Variants in KDM4B observed in about 807,000 individuals in gnomAD.
The protein encoded by KDM4B is lysine-specific demethylase 4B.
Under a neutral mutation model 125.2 loss-of-function variants are expected in KDM4B, and 32 were observed. The observed-to-expected ratio is 0.26, with a 90% confidence interval of 0.19 to 0.34. KDM4B has a LOEUF of 0.34. Ranked by LOEUF, KDM4B falls within the 10% of genes least tolerant of loss-of-function variation. The probability of loss-of-function intolerance (pLI) is 1.00; values close to 1 mark genes in which losing one functional copy is unlikely to be tolerated. For missense variants in KDM4B, 1,190 were observed against 1,577.7 expected (o/e 0.75, Z 4.16); for synonymous variants, 721 against 677.9 (o/e 1.06, Z -0.99).
intron 2 of KDM4B, among the ~76,000 whole-genome samples, chr19:5,022,047 T>G (rs263062): frequency 6.6e-6 from 1 of 151,922 alleles, no homozygotes; most frequent in African/African-American, 2.4e-5. Flanking sequence ...CCTCTGCAGT[T>G]TGGGGGTCCT....
At chr19:4,973,574 T>G (rs936141169) in intron 1 of KDM4B, among the ~76,000 whole-genome samples, 1 of 152,194 alleles carries the variant, frequency 6.6e-6, no homozygotes, top group Non-Finnish European at 1.5e-5. Flanking sequence ...TCCCAAATAC[T>G]GAGGGGGGAG....
chr19:4,995,388 C>A (rs1235868778), intron 1 of KDM4B, among the ~76,000 whole-genome samples: 5 of 152,068 alleles, frequency 3.3e-5, no homozygotes, highest in Admixed American at 2.6e-4. Context: ...AAGCGATTCT[C>A]CTGCCTCAGC....
chr19:5,082,233 G>A lies in KDM4B; in HGVS notation c.781-134G>A, dbSNP rs946358939. 6.8e-6 allele frequency: 7 copies of A among 1,025,850 alleles called. No homozygotes were observed. The African/African-American group carries it at 9.8e-5, about 14-fold the overall frequency. The allele number at this position is 1,025,850 out of a possible 1,614,324, so 63.5% of individuals were successfully genotyped here. ...AGCCCTGGAGCCCCTGGAGCCGCTG[G>A]ATCACCTTTGACTTTGTGAAACCCC... On this transcript the variant is annotated intron_variant, in intron 8 of 22. Coordinates refer to ENST00000159111, the MANE Select transcript of KDM4B (RefSeq NM_015015.3). This position sits in a 1 kb window ranked among gnomAD's most constrained non-coding sequence, Gnocchi z 5.4.
chr19:5,007,880 G>A lies in KDM4B; in HGVS notation c.-108-8377G>A, dbSNP rs2035611398. On this transcript the variant is annotated intron_variant, in intron 1 of 22. Coordinates refer to ENST00000159111, the MANE Select transcript of KDM4B (RefSeq NM_015015.3). Reference sequence around the variant, plus strand: ...GTCTTTTCACTTTCTTGAGGTCTTTGCAAACAACTTTTCTTTTTCCACATG... The same window carrying A: ...GTCTTTTCACTTTCTTGAGGTCTTTACAAACAACTTTTCTTTTTCCACATG... Among the ~76,000 whole-genome samples the A allele has an allele frequency of 2.0e-5, 3 of 152,266 alleles. No individual in the cohort carries two copies. The South Asian group carries it at 6.2e-4, about 32-fold the overall frequency.
chr19:5,019,232 GTTGGTGTGCACGTA>G lies in KDM4B; in HGVS notation c.-26+2904_-26+2917del, dbSNP rs1282711404. ...TGCTGGTGTGGATGTTGGTGTGGGT[GTTGGTGTGCACGTA>G]TTGGTGTGCAGGTGTTGGTGTGGAT... is the stretch of plus-strand genomic sequence containing the variant. On this transcript the variant is annotated intron_variant, in intron 2 of 22. Transcript: ENST00000159111. Among the ~76,000 whole-genome samples the G allele has an allele frequency of 6.0e-5, 9 of 150,474 alleles. No homozygotes were observed. In the East Asian group the frequency reaches 1.4e-3, roughly 23 times the overall value.
intron 7 of KDM4B, chr19:5,077,104 C>A: frequency 1.9e-6 from 1 of 515,864 alleles, no homozygotes; most frequent in South Asian, 2.4e-5. Context: ...ATGGTCACTG[C>A]GCAGAGGCCA....
chr19:5,040,050 C>T (rs370870330), intron 4 of KDM4B, 39 bp downstream of exon 4: 27 of 1,570,228 alleles, frequency 1.7e-5, no homozygotes, highest in African/African-American at 8.1e-5. Context: ...CCCCCGCCCC[C>T]GGGGGCACAC....
At chr19:5,044,500 T>C (rs753705651) in intron 5 of KDM4B, among the ~76,000 whole-genome samples, 3 of 152,174 alleles carry the variant, frequency 2.0e-5, no homozygotes, top group Admixed American at 2.0e-4. Flanking sequence ...TTGGGCTGTG[T>C]TCTCTTTTTG....
At chr19:5,098,313 G>T (rs551444984) in intron 9 of KDM4B, among the ~76,000 whole-genome samples, 1 of 152,354 alleles carries the variant, frequency 6.6e-6, no homozygotes, top group South Asian at 2.1e-4. Flanking sequence ...AAGCACTCCA[G>T]TTTCATTGGA....
chr19:4,975,254 C>T (rs985038938), intron 1 of KDM4B, among the ~76,000 whole-genome samples: 6 of 152,306 alleles, frequency 3.9e-5, no homozygotes, highest in Admixed American at 2.6e-4. Context: ...CAAGAAAGCT[C>T]CCGTGGGCGA....
intron 3 of KDM4B, among the ~76,000 whole-genome samples, chr19:5,037,328 C>A (rs747622504): frequency 3.3e-5 from 5 of 152,188 alleles, no homozygotes; most frequent in Non-Finnish European, 7.3e-5. Context: ...CCACTCAGTT[C>A]TCTGTAGTAA....
chr19:5,120,467 C>A (rs771112781), intron 11 of KDM4B, among the ~76,000 whole-genome samples: 1 of 151,620 alleles, frequency 6.6e-6, no homozygotes, highest in African/African-American at 2.4e-5. Context: ...CACCTGCCCT[C>A]GGGCCTCCCC....
At chr19:5,068,384 A>G (rs116335950) in intron 6 of KDM4B, among the ~76,000 whole-genome samples, 2,142 of 151,932 alleles carry the variant, frequency 0.014, 60 homozygotes, top group South Asian at 0.068. Flanking sequence ...ACATCCGGAG[A>G]GCCTTGGTGT....
At chr19:5,009,313 G>T (rs2035659952) in intron 1 of KDM4B, among the ~76,000 whole-genome samples, 1 of 152,142 alleles carries the variant, frequency 6.6e-6, no homozygotes, top group Non-Finnish European at 1.5e-5. Flanking sequence ...CTAAATAAGA[G>T]GCTGTTTCCC....
intron 1 of KDM4B, among the ~76,000 whole-genome samples, chr19:4,995,973 T>C (rs1298058453): frequency 1.3e-5 from 2 of 152,222 alleles, no homozygotes; most frequent in African/African-American, 2.4e-5. Context: ...CTCCTACTAA[T>C]GAGCACTTAC....
intron 9 of KDM4B, among the ~76,000 whole-genome samples, chr19:5,083,605 G>T (rs571427127): frequency 2.6e-5 from 4 of 152,188 alleles, no homozygotes; most frequent in South Asian, 4.1e-4. Flanking sequence ...GCTCGGCCAC[G>T]TGGCCCTGGC....
At chr19:5,090,255 GCCCTGGCCTCGC>G (rs1237150679) in intron 9 of KDM4B, among the ~76,000 whole-genome samples, 1 of 152,030 alleles carries the variant, frequency 6.6e-6, no homozygotes, top group Non-Finnish European at 1.5e-5. Flanking sequence ...CTCGCTGCAT[GCCCTGGCCTCGC>G]CAGGCTGAGG....
intron 9 of KDM4B, among the ~76,000 whole-genome samples, chr19:5,100,758 G>C (rs2038915405): frequency 6.6e-6 from 1 of 152,092 alleles, no homozygotes; most frequent in Admixed American, 6.6e-5. Context: ...GAGTTCCTCA[G>C]CTTCCTCACT....
chr19:5,137,808 G>A, intron 17 of KDM4B, 132 bp downstream of exon 17: 4 of 1,061,746 alleles, frequency 3.8e-6, no homozygotes, highest in Non-Finnish European at 4.1e-6. Context: ...TCATGGATGG[G>A]GTGGCCAGGG....
Sources: allele counts gnomAD v4.1 joint callset (sites outside exome capture counted in the v4.1 genomes callset), GRCh38; gene constraint gnomAD v4.1.1; non-coding constraint Gnocchi (gnomAD v3.1); transcripts MANE v1.5; gene names NCBI Gene and HGNC (gene_info 2026-07-23, HGNC 2026-07-21).